The following ZNF483 variants were observed in gnomAD, a reference collection of about 807,000 sequenced individuals.
The protein encoded by ZNF483 is zinc finger protein 483, also known as zinc finger protein HIT-10.
A neutral mutation model predicts 28.6 loss-of-function variants in ZNF483; 9 were observed. The observed-to-expected ratio is 0.32, with a 90% CI of 0.19 to 0.55. The LOEUF is 0.55. Among genes scored for constraint, ZNF483 ranks in the 20% least tolerant of loss-of-function variants. The pLI, the probability that ZNF483 is intolerant of heterozygous loss-of-function variation, is 0.93. For missense variants in ZNF483, 675 were observed against 871.7 expected, an observed-to-expected ratio of 0.77 and a Z score of 2.84; for synonymous variants, 322 against 306.2, an observed-to-expected ratio of 1.05 and a Z score of -0.54.
Position 111,553,915 on chromosome 9 carries a change from T to G in ZNF483, c.*10745T>G, listed in dbSNP as rs1215108802. On this transcript the variant is annotated 3_prime_UTR_variant, in exon 6 of 6. Transcript: ENST00000309235. ...TTCCCCAGGGGTCTTTCCAGCATTT[T>G]GTTGCTTTCCCATATTTTGTAGTCA... Among the ~76,000 whole-genome samples the G allele has an allele frequency of 6.6e-6, 1 of 152,230 alleles. No homozygotes were observed. The highest frequency in any genetic ancestry group is 1.5e-5 in the Non-Finnish European group (1 of 68,040).
At chr9:111,563,476 A>G (rs1380087653) in intron 5 of ZNF483, 4 of 365,824 alleles carry the variant, frequency 1.1e-5, no homozygotes, top group African/African-American at 6.2e-5. Flanking sequence ...GCGAAATGTC[A>G]TAAGGCAGTG....
chr9:111,546,472 A>G lies in ZNF483; in HGVS notation c.*3302A>G, dbSNP rs1199130064. On this transcript the variant is annotated 3_prime_UTR_variant, in exon 6 of 6. Coordinates refer to ENST00000309235, the MANE Select transcript of ZNF483 (RefSeq NM_133464.5). ...CACTTTTGGATTAAGTCAGATTATC[A>G]AAAGGCTTTAAACGTCTTTTGATTC... 1.3e-5 allele frequency among the ~76,000 whole-genome samples: 2 copies of G among 152,170 alleles called. No homozygotes were observed. Among genetic ancestry groups the G allele is most frequent in the Non-Finnish European group, 1.5e-5 (1 of 68,012 alleles).
In ZNF483 at chr9:111,570,172, G is replaced by T. The variant is rs200653311; in HGVS notation, c.722-6193G>T. The T allele has an allele frequency of 2.0e-5, 33 of 1,614,082 alleles. No homozygotes were observed. In the Admixed American group the frequency reaches 4.0e-4, roughly 20 times the overall value. ...AGCGGTAGACGACAAAAGCTTCCATGCGAAGCTCCTGATAGATAACAATCT... is the reference window on the plus strand; with the variant it reads ...AGCGGTAGACGACAAAAGCTTCCATTCGAAGCTCCTGATAGATAACAATCT... On this transcript the variant is annotated intron_variant, in intron 5 of 5. Coordinates refer to the ZNF483 transcript ENST00000358151.
chr9:111,528,854 A>G (rs887879900), intron 2 of ZNF483, among the ~76,000 whole-genome samples: 1 of 152,128 alleles, frequency 6.6e-6, no homozygotes, highest in African/African-American at 2.4e-5. Context: ...GCAATAAAGA[A>G]TTGATTTCGG....
chr9:111,558,828 C>A (rs968347799), downstream of ZNF483, among the ~76,000 whole-genome samples: 5 of 152,096 alleles, frequency 3.3e-5, no homozygotes, highest in Admixed American at 6.5e-5. Context: ...AATCTAACAC[C>A]ACAAGGTTCT....
rs111820702 is a variant in ZNF483 at position 111,544,348 on chromosome 9, ATGTGTGTG to A, written c.*1196_*1203del. ...TAACAATTTGCTTGGGTGTGTGTGC[ATGTGTGTG>A]TGTGTGTGTGTGTGTGTATACATTG... On this transcript the variant is annotated 3_prime_UTR_variant, in exon 6 of 6. Coordinates refer to ENST00000309235, the MANE Select transcript of ZNF483 (RefSeq NM_133464.5). 9.4e-5 allele frequency: 90 copies of A among 957,742 alleles called. No individual in the cohort carries two copies. The South Asian group carries it at 1.7e-3, about 18-fold the overall frequency. The allele number at this position is 957,742 out of a possible 1,614,324, so 59.3% of individuals were successfully genotyped here.
Position 111,530,884 on chromosome 9 carries a change from C to G in ZNF483, c.422C>G (p.Ser141Cys). 1 of 1,494,552 alleles carries G rather than the reference C, an allele frequency of 6.7e-7. No homozygotes were observed. Among genetic ancestry groups the G allele is most frequent in the Non-Finnish European group, 9.1e-7 (1 of 1,104,752 alleles). The allele number at this position is 1,494,552 out of a possible 1,614,324, so 92.6% of individuals were successfully genotyped here. ...TTCTCCCCTTTCCTAGATCCAGTCT[C>G]TCAAGATTCTACTGTTTCCCAAGAG... ...TQMLEEKDPV[S>C]QDSTVSQEEN... Residue 141 changes from serine to cysteine, a missense_variant, in exon 3 of 6, where the codon TCT becomes TGT. Physicochemically the swap from Ser to Cys is moderately radical, Grantham distance 112. Transcript: ENST00000309235.
chr9:111,530,532 C>T (rs1827298445), intron 2 of ZNF483, among the ~76,000 whole-genome samples: 1 of 151,614 alleles, frequency 6.6e-6, no homozygotes, highest in African/African-American at 2.4e-5. Context: ...GGAGGTCAGT[C>T]TTGGACTGAG....
chr9:111,576,324 C>T (rs1217303204), intron 5 of ZNF483: 1 of 1,609,950 alleles, frequency 6.2e-7, no homozygotes, highest in East Asian at 2.2e-5. Flanking sequence ...TATTTGTAAC[C>T]TCAAACCAGT....
intron 2 of ZNF483, among the ~76,000 whole-genome samples, chr9:111,530,261 G>A (rs1473580968): frequency 6.6e-6 from 1 of 152,184 alleles, no homozygotes; most frequent in African/African-American, 2.4e-5. Flanking sequence ...AGCTAACCAC[G>A]TGGCAGTTCC....
Position 111,543,280 on chromosome 9 carries a change from C to T in ZNF483, c.*110C>T. On this transcript the variant is annotated 3_prime_UTR_variant, in exon 6 of 6. Coordinates refer to ENST00000309235, the MANE Select transcript of ZNF483 (RefSeq NM_133464.5). The stretch of plus-strand genomic sequence containing the variant: ...AGTAGCTGCAGCTTTCGTAAATTGG[C>T]AGTTAGGAAAAATATCCTTTTGCCC... 1 of 1,447,668 alleles carries T rather than the reference C, an allele frequency of 6.9e-7. No homozygotes were observed. The highest frequency in any genetic ancestry group is 9.0e-7 in the Non-Finnish European group (1 of 1,107,178). The allele number at this position is 1,447,668 out of a possible 1,614,324, so 89.7% of individuals were successfully genotyped here. A position where few individuals can be genotyped will look rare whatever the true frequency, so the allele number is the denominator to read the frequency against.
At chr9:111,563,343 A>T (rs1046949071) in intron 5 of ZNF483, 37 of 1,068,248 alleles carry the variant, frequency 3.5e-5, no homozygotes, top group Non-Finnish European at 4.7e-5. Flanking sequence ...CTTGAAAATA[A>T]GAGATGGAAG....
intron 2 of ZNF483, 115 bp from the exon 3 acceptor site, chr9:111,530,756 AATAT>A (rs60541488): frequency 0.046 from 3,220 of 70,250 alleles, 77 homozygotes; most frequent in Non-Finnish European, 0.07. Flanking sequence ...ATCACTTAGA[AATAT>A]ATATATATAT....
chr9:111,536,981 T>G (rs1827523389), intron 5 of ZNF483, among the ~76,000 whole-genome samples: 1 of 152,186 alleles, frequency 6.6e-6, no homozygotes, highest in South Asian at 2.1e-4. Context: ...CAGACCTCAG[T>G]CTATGGTACA....
At chr9:111,538,810 TA>T (rs1486952275) in intron 5 of ZNF483, among the ~76,000 whole-genome samples, 2 of 151,452 alleles carry the variant, frequency 1.3e-5, no homozygotes, top group East Asian at 3.9e-4. Context: ...TGGCAATAAT[TA>T]AAAAACAAAC....
At chr9:111,529,967 T>C (rs1046815248) in intron 2 of ZNF483, among the ~76,000 whole-genome samples, 1 of 152,238 alleles carries the variant, frequency 6.6e-6, no homozygotes, top group Non-Finnish European at 1.5e-5. Context: ...GACAGTCTTT[T>C]TGTTATTTAT....
intron 2 of ZNF483, 70 bp from the exon 3 acceptor site, chr9:111,530,805 A>ATATATATATATC (rs1827322225): frequency 8.4e-6 from 1 of 119,192 alleles, no homozygotes; most frequent in Non-Finnish European, 1.7e-5. Flanking sequence ...ATATATACAT[A>ATATATATATATC]TATATATATA....
chr9:111,542,410 A>G lies in ZNF483; in HGVS notation c.1475A>G (p.Glu492Gly). The G allele has an allele frequency of 6.2e-7, 1 of 1,614,156 alleles. No homozygotes were observed. Among genetic ancestry groups the G allele is most frequent in the Non-Finnish European group, 8.5e-7 (1 of 1,180,030 alleles). ...LTPHHRTHSGEKPFKCDDCGK... is the reference protein window; with the variant it reads ...LTPHHRTHSGGKPFKCDDCGK... ...CCACATCATAGAACTCATAGTGGAG[A>G]GAAACCCTTCAAATGTGATGACTGT... is the stretch of plus-strand genomic sequence containing the variant. The change falls in exon 6 of 6, where the codon GAG (glutamate) becomes GGG (glycine). Residue 492 changes from glutamate (E) to glycine (G), a missense_variant. This residue lies in a region of ZNF483 where 525 missense variants were observed against 581.8 expected (regional missense o/e 0.90). Transcript: ENST00000309235. The surrounding 1 kb of genome is among the most constrained non-coding windows in gnomAD (Gnocchi z 6.2).
chr9:111,535,549 T>G (rs979333254), intron 5 of ZNF483, among the ~76,000 whole-genome samples: 1 of 152,228 alleles, frequency 6.6e-6, no homozygotes, highest in Non-Finnish European at 1.5e-5. Flanking sequence ...AATTAGGTTT[T>G]GTTTTGTTTT....
Sources: allele counts gnomAD v4.1 joint callset (sites outside exome capture counted in the v4.1 genomes callset), GRCh38; gene constraint gnomAD v4.1.1; regional missense constraint gnomAD v4.1.1; non-coding constraint Gnocchi (gnomAD v3.1); transcripts MANE v1.5; gene names NCBI Gene and HGNC (gene_info 2026-07-23, HGNC 2026-07-21).